PTPN14: variants seen among roughly 807,000 people sequenced by gnomAD.
PTPN14 encodes protein tyrosine phosphatase non-receptor type 14, also known as tyrosine-protein phosphatase non-receptor type 14.
In PTPN14, 53 loss-of-function variants were observed where a neutral mutation model predicts 126.8. That is an observed-to-expected ratio of 0.42 (90% confidence interval 0.34 to 0.53). PTPN14 has a LOEUF of 0.53. PTPN14 is among the 20% of genes least tolerant of loss of function. The pLI, the probability that PTPN14 is intolerant of heterozygous loss-of-function variation, is 0.08. For missense variants in PTPN14, 1,257 were observed against 1,552.9 expected (o/e 0.81, Z 3.20); for synonymous variants, 630 against 599.3 (o/e 1.05, Z -0.75).
chr1:214,488,922 T>C (rs115795008), intron 1 of PTPN14, among the ~76,000 whole-genome samples: 159 of 152,348 alleles, frequency 1.0e-3, no homozygotes, highest in African/African-American at 3.8e-3. Context: ...AATGAACTTG[T>C]CACCGCTTCT....
At chr1:214,506,472 G>A (rs1217019329) in intron 1 of PTPN14, among the ~76,000 whole-genome samples, 2 of 151,826 alleles carry the variant, frequency 1.3e-5, no homozygotes, top group Non-Finnish European at 2.9e-5. Flanking sequence ...AGTTGTGATG[G>A]TGCCACTGCA....
At chr1:214,402,735 C>T (rs988312827) in intron 6 of PTPN14, 148 bp downstream of exon 6, 119 of 671,608 alleles carry the variant, frequency 1.8e-4, no homozygotes, top group African/African-American at 7.9e-4. Context: ...TTTTGCAGAA[C>T]GGAAGTACAG....
chr1:214,501,000 G>C (rs1654675918), intron 1 of PTPN14, among the ~76,000 whole-genome samples: 1 of 152,178 alleles, frequency 6.6e-6, no homozygotes, highest in Non-Finnish European at 1.5e-5. Context: ...CCATGCCCAA[G>C]AGCAGCTTGA....
chr1:214,390,735 T>C (rs979375539), intron 11 of PTPN14, among the ~76,000 whole-genome samples: 1 of 152,124 alleles, frequency 6.6e-6, no homozygotes, highest in African/African-American at 2.4e-5. Context: ...TGGAACATGG[T>C]CCCACAGGCC....
chr1:214,537,200 T>C (rs888531595), intron 1 of PTPN14, among the ~76,000 whole-genome samples: 4 of 152,236 alleles, frequency 2.6e-5, no homozygotes, highest in Non-Finnish European at 5.9e-5. Flanking sequence ...CAATGGTTTT[T>C]ACTATATTCC....
At chr1:214,387,688 A>AAAAGAAAG (rs1211096860) in intron 11 of PTPN14, among the ~76,000 whole-genome samples, 1 of 151,412 alleles carries the variant, frequency 6.6e-6, no homozygotes, top group African/African-American at 2.4e-5. Context: ...AAAAAAAAAA[A>AAAAGAAAG]AAAGAAAGAA....
intron 3 of PTPN14, among the ~76,000 whole-genome samples, chr1:214,436,786 C>CAAAAAA (rs1159209240): frequency 2.1e-5 from 1 of 46,634 alleles, no homozygotes; most frequent in Non-Finnish European, 4.4e-5. Flanking sequence ...GACTCCGTCT[C>CAAAAAA]AAAAAAAAAA....
rs1048041532 is a variant in PTPN14, at chr1:214,354,655, C to T, written c.*3267G>A. On this transcript the variant is annotated 3_prime_UTR_variant, in exon 19 of 19. Transcript: ENST00000366956. The stretch of plus-strand genomic sequence containing the variant: ...CCACAGTAAACAAGGATGAATACCT[C>T]GGGTCAATGTATCCAAATGAGTGTG... The T allele has an allele frequency of 7.9e-5, 12 of 152,206 alleles. No homozygotes were observed. The highest frequency in any genetic ancestry group is 2.7e-4 in the African/African-American group (11 of 41,444). 9.4% of individuals were successfully genotyped at this position (152,206 alleles called of 1,614,324 possible).
intron 10 of PTPN14, 79 bp downstream of exon 10, chr1:214,393,616 G>A: frequency 8.9e-7 from 1 of 1,126,816 alleles, no homozygotes; most frequent in Non-Finnish European, 1.3e-6. Context: ...AATAGGAAAA[G>A]AGATCTACAG....
At position 214,442,845 on chromosome 1, in the gene PTPN14, C is replaced by T. The variant is rs56809077; in HGVS notation, c.344+8960G>A. ...CTTTTTTTTTTTTTTCTCTTTGAGACGGAGTTTCACTCTTGTTGCCCAGAC... is the reference window on the plus strand; with the variant it reads ...CTTTTTTTTTTTTTTCTCTTTGAGATGGAGTTTCACTCTTGTTGCCCAGAC... On this transcript the variant is annotated intron_variant, in intron 3 of 18. Coordinates refer to ENST00000366956, the MANE Select transcript of PTPN14 (RefSeq NM_005401.5). Among the ~76,000 whole-genome samples, 164 of 148,806 alleles carry T rather than the reference C, an allele frequency of 1.1e-3. 1 individual carries two copies. Among genetic ancestry groups the T allele is most frequent in the African/African-American group, 3.7e-3 (151 of 40,358 alleles).
chr1:214,374,861 AAAG>A (rs758081194), intron 15 of PTPN14, among the ~76,000 whole-genome samples: 40 of 152,226 alleles, frequency 2.6e-4, no homozygotes, highest in Non-Finnish European at 5.1e-4. Flanking sequence ...GATCTGGCCA[AAAG>A]AAGAAGATAA....
intron 16 of PTPN14, among the ~76,000 whole-genome samples, chr1:214,371,826 T>C (rs1658226034): frequency 1.3e-5 from 2 of 152,180 alleles, no homozygotes; most frequent in Admixed American, 6.5e-5. Context: ...TAATGGACTG[T>C]GCTGAGAAGC....
intron 10 of PTPN14, among the ~76,000 whole-genome samples, chr1:214,392,763 G>A (rs956466584): frequency 1.3e-5 from 2 of 152,196 alleles, no homozygotes; most frequent in Non-Finnish European, 2.9e-5. Flanking sequence ...CCCCGACAGT[G>A]ACCAATTGCA....
At chr1:214,469,359 T>C (rs1171943243) in intron 1 of PTPN14, among the ~76,000 whole-genome samples, 1 of 152,214 alleles carries the variant, frequency 6.6e-6, no homozygotes. Context: ...CCAATAGGAA[T>C]ACCTCTGCTT....
rs766241154 is a variant in PTPN14, at chr1:214,369,460, A to T, written c.3268T>A (p.Leu1090Ile). The change falls in exon 17 of 19, where the codon TTA becomes ATA. Residue 1090 changes from leucine to isoleucine, a missense_variant. By Grantham distance (5) the Leu-to-Ile change is conservative (BLOSUM62 2). Transcript: ENST00000366956. ...GACTGGGAAGAAAAACACTTACATAAAAATCCTTGGACATCTTCTGGACAG... is the reference window on the plus strand; with the variant it reads ...GACTGGGAAGAAAAACACTTACATATAAATCCTTGGACATCTTCTGGACAG... ...HGCPEDVQGF[L>I]SYLEEIQSVR... is the part of the protein sequence containing the mutation. The T allele has an allele frequency of 6.2e-7, 1 of 1,612,888 alleles. No homozygotes were observed. Among genetic ancestry groups the T allele is most frequent in the Non-Finnish European group, 8.5e-7 (1 of 1,178,972 alleles).
At chr1:214,458,086 G>A (rs1660425158) in intron 2 of PTPN14, among the ~76,000 whole-genome samples, 1 of 152,122 alleles carries the variant, frequency 6.6e-6, no homozygotes, top group Non-Finnish European at 1.5e-5. Flanking sequence ...GATTCACTCT[G>A]TCACCCAGGC....
At chr1:214,373,617 G>A (rs1242839285) in intron 15 of PTPN14, among the ~76,000 whole-genome samples, 1 of 139,280 alleles carries the variant, frequency 7.2e-6, no homozygotes, top group African/African-American at 2.7e-5. Flanking sequence ...ACCTGGTCAT[G>A]ACCACTAAAC....
At chr1:214,513,586 C>T (rs573241937) in intron 1 of PTPN14, among the ~76,000 whole-genome samples, 1 of 152,284 alleles carries the variant, frequency 6.6e-6, no homozygotes, top group Non-Finnish European at 1.5e-5. Flanking sequence ...TACGGGTGTG[C>T]TTTACTCATT....
intron 1 of PTPN14, among the ~76,000 whole-genome samples, chr1:214,491,365 G>T (rs965355445): frequency 6.6e-6 from 1 of 152,114 alleles, no homozygotes; most frequent in Non-Finnish European, 1.5e-5. Flanking sequence ...TTTATTCACT[G>T]GTCGATAAAG....
Sources: allele counts gnomAD v4.1 joint callset (sites outside exome capture counted in the v4.1 genomes callset), GRCh38; gene constraint gnomAD v4.1.1; transcripts MANE v1.5; gene names NCBI Gene and HGNC (gene_info 2026-07-23, HGNC 2026-07-21).